WWOX: variants seen among roughly 807,000 people sequenced by gnomAD.
The protein encoded by WWOX is WW domain containing oxidoreductase, also known as WW domain-containing oxidoreductase.
WWOX carries 69 observed loss-of-function variants against 46.2 expected under a neutral mutation model. That is an observed-to-expected ratio of 1.49 (90% confidence interval 1.23 to 1.82). The LOEUF (loss-of-function observed/expected upper bound fraction) is 1.82. Among genes scored for constraint, WWOX ranks in the 40% most tolerant of loss-of-function variants. The pLI is 0.00. For synonymous variants in WWOX, 359 were observed against 202.6 expected (o/e 1.77, Z -6.56); for missense variants, 919 against 542.6 (o/e 1.69, Z -6.89).
intron 8 of WWOX, among the ~76,000 whole-genome samples, chr16:78,608,910 C>T (rs891115721): frequency 6.6e-6 from 1 of 152,122 alleles, no homozygotes; most frequent in Non-Finnish European, 1.5e-5. Flanking sequence ...CGGAAACTTC[C>T]TATATGCTCG....
At chr16:78,676,086 C>T (rs1054922328) in intron 8 of WWOX, among the ~76,000 whole-genome samples, 1 of 151,942 alleles carries the variant, frequency 6.6e-6, no homozygotes, top group Non-Finnish European at 1.5e-5. Flanking sequence ...GTTACTACTC[C>T]ATAAGCAAAT....
chr16:78,871,871 G>A (rs1342295199), intron 8 of WWOX, among the ~76,000 whole-genome samples: 1 of 152,162 alleles, frequency 6.6e-6, no homozygotes, highest in Non-Finnish European at 1.5e-5. Flanking sequence ...CCAAAGCGCT[G>A]GGATTACAGG....
At chr16:78,894,182 G>A (rs1342082920) in intron 8 of WWOX, among the ~76,000 whole-genome samples, 1 of 151,986 alleles carries the variant, frequency 6.6e-6, no homozygotes, top group African/African-American at 2.4e-5. Context: ...GGAGCTACAG[G>A]CAAGTGTACT....
chr16:79,154,138 G>T (rs2050335016), intron 8 of WWOX, among the ~76,000 whole-genome samples: 1 of 152,180 alleles, frequency 6.6e-6, no homozygotes, highest in Admixed American at 6.5e-5. Context: ...CAATGTCAGA[G>T]CCCTAAATGG....
intron 8 of WWOX, among the ~76,000 whole-genome samples, chr16:78,627,704 G>A (rs551407449): frequency 6.6e-6 from 1 of 152,182 alleles, no homozygotes; most frequent in African/African-American, 2.4e-5. Flanking sequence ...TGCAAATCCT[G>A]GGAAGACTCT....
chr16:78,817,172 C>CATT (rs2051353904), intron 8 of WWOX, among the ~76,000 whole-genome samples: 1 of 51,596 alleles, frequency 1.9e-5, no homozygotes, highest in Non-Finnish European at 3.4e-5. Flanking sequence ...TAGTGCTATT[C>CATT]TTTTTTTTTT....
chr16:78,651,088 A>G (rs1361980615), intron 8 of WWOX, among the ~76,000 whole-genome samples: 1 of 152,196 alleles, frequency 6.6e-6, no homozygotes, highest in Non-Finnish European at 1.5e-5. Context: ...ATTCACGAGG[A>G]GGTTAGACCC....
chr16:78,512,736 A>T (rs543056552), intron 8 of WWOX, among the ~76,000 whole-genome samples: 1 of 152,242 alleles, frequency 6.6e-6, no homozygotes, highest in Non-Finnish European at 1.5e-5. Flanking sequence ...AAGTACTTGC[A>T]CTAGTGATGC....
intron 8 of WWOX, among the ~76,000 whole-genome samples, chr16:78,610,435 T>A (rs1040357172): frequency 1.3e-5 from 2 of 152,224 alleles, no homozygotes; most frequent in Non-Finnish European, 2.9e-5. Context: ...AATCTGTCTT[T>A]GAACGAGGAG....
Position 78,760,577 on chromosome 16 carries a change from C to G in WWOX, c.1056+327825C>G, listed in dbSNP as rs577720833. Among the ~76,000 whole-genome samples the G allele has an allele frequency of 9.2e-5, 14 of 152,274 alleles. No homozygotes were observed. The South Asian group carries it at 2.9e-3, about 32-fold the overall frequency. ...GTCAGGAGAGGATGCCCACAATGCA[C>G]TTGGGGTTTTGTGTCTGTGTCTCCC... On this transcript the variant is annotated intron_variant, in intron 8 of 8. Transcript: ENST00000566780.
rs561724966 is a variant in WWOX at position 78,517,975 on chromosome 16, T to C, written c.1056+85223T>C. ...GGCAGATATGTGTGGACCACAGAGA[T>C]GGACTGAAAAGAGAAGTAACAGTCC... On this transcript the variant is annotated intron_variant, in intron 8 of 8. Transcript: ENST00000566780. Among the ~76,000 whole-genome samples the C allele has an allele frequency of 1.2e-3, 186 of 150,986 alleles. 1 individual carries two copies. Among genetic ancestry groups the C allele is most frequent in the South Asian group, 3.8e-3 (18 of 4,758 alleles).
At chr16:78,917,390 C>T in intron 8 of WWOX, among the ~76,000 whole-genome samples, 1 of 152,130 alleles carries the variant, frequency 6.6e-6, no homozygotes, top group East Asian at 1.9e-4. Flanking sequence ...CCTGTTGCAG[C>T]CTTAGTCAGT....
intron 8 of WWOX, among the ~76,000 whole-genome samples, chr16:78,836,786 A>T (rs1036934588): frequency 6.6e-6 from 1 of 152,144 alleles, no homozygotes; most frequent in Admixed American, 6.6e-5. Flanking sequence ...CTCTTTAATT[A>T]TTCTATACAC....
At chr16:78,684,802 A>G (rs987278585) in intron 8 of WWOX, among the ~76,000 whole-genome samples, 2 of 152,194 alleles carry the variant, frequency 1.3e-5, no homozygotes, top group East Asian at 1.9e-4. Flanking sequence ...CTTTGTTCCC[A>G]TATGTTTCAG....
chr16:78,288,712 G>A (rs920559362), intron 5 of WWOX, among the ~76,000 whole-genome samples: 1 of 152,072 alleles, frequency 6.6e-6, no homozygotes, highest in African/African-American at 2.4e-5. Flanking sequence ...CCGAGTGTCA[G>A]TTTTCCTTTA....
At chr16:79,113,956 G>A (rs531665358) in intron 8 of WWOX, among the ~76,000 whole-genome samples, 2 of 152,308 alleles carry the variant, frequency 1.3e-5, no homozygotes, top group South Asian at 2.1e-4. Flanking sequence ...GCCACAACGT[G>A]TTCTTGACAA....
In WWOX at chr16:78,671,629, T is replaced by C. The variant is rs2047466951; in HGVS notation, c.1056+238877T>C. ...TTACCTATAAAGTAGAGATTCCCTA[T>C]CTCATTTGGAGGTGATTTTAAGGCA... On this transcript the variant is annotated intron_variant, in intron 8 of 8. Transcript: ENST00000566780. 2.0e-5 allele frequency among the ~76,000 whole-genome samples: 3 copies of C among 152,142 alleles called. No individual in the cohort carries two copies. In the South Asian group the frequency reaches 6.2e-4, roughly 32 times the overall value.
intron 8 of WWOX, among the ~76,000 whole-genome samples, chr16:78,894,856 GACTA>G (rs1274284459): frequency 6.6e-6 from 1 of 152,112 alleles, no homozygotes; most frequent in Non-Finnish European, 1.5e-5. Context: ...GAAAAACAGT[GACTA>G]ACTGAGCACT....
chr16:79,025,785 G>C (rs113312845), intron 8 of WWOX, among the ~76,000 whole-genome samples: 1 of 135,598 alleles, frequency 7.4e-6, no homozygotes, highest in Non-Finnish European at 1.5e-5. Flanking sequence ...CGTTTTCTTT[G>C]CTTTGCTTTG....
Sources: gnomAD v4.1 joint callset for allele counts (sites outside exome capture counted in the v4.1 genomes callset) on GRCh38, gnomAD v4.1.1 for gene constraint, MANE v1.5 for transcripts, NCBI Gene and HGNC (gene_info 2026-07-23, HGNC 2026-07-21) for gene names.